The following ANO10 variants were observed in gnomAD, a reference collection of about 807,000 sequenced individuals.
ANO10 encodes anoctamin-10.
In ANO10, 77 loss-of-function variants were observed where a neutral mutation model predicts 74.7. The observed-to-expected ratio is 1.03, with a 90% CI of 0.86 to 1.25. The LOEUF (loss-of-function observed/expected upper bound fraction) is 1.25, where lower values mean the gene tolerates loss of function less well. ANO10 is among the 50% of genes most tolerant of loss of function. ANO10 has a pLI of 0.00. For synonymous variants in ANO10, 279 were observed against 284.9 expected, an observed-to-expected ratio of 0.98 and a Z score of 0.21; for missense variants, 721 against 778.1, an observed-to-expected ratio of 0.93 and a Z score of 0.87.
chr3:43,657,898 T>C (rs1559388266), intron 1 of ANO10, among the ~76,000 whole-genome samples: 1 of 152,244 alleles, frequency 6.6e-6, no homozygotes, highest in African/African-American at 2.4e-5. Context: ...TGGAAAAACT[T>C]AAAGATCTCA....
intron 1 of ANO10, among the ~76,000 whole-genome samples, chr3:43,649,714 C>A (rs2083766777): frequency 6.6e-6 from 1 of 152,152 alleles, no homozygotes; most frequent in Non-Finnish European, 1.5e-5. Flanking sequence ...AGTTGGGATC[C>A]AAACTCAGGC....
intron 11 of ANO10, among the ~76,000 whole-genome samples, chr3:43,459,667 T>C (rs1175620637): frequency 6.6e-6 from 1 of 152,142 alleles, no homozygotes; most frequent in Non-Finnish European, 1.5e-5. Context: ...TTCCTGCCAG[T>C]GCCTGTCTGG....
intron 12 of ANO10, among the ~76,000 whole-genome samples, chr3:43,399,997 G>A (rs570791757): frequency 1.2e-3 from 181 of 152,264 alleles, no homozygotes; most frequent in African/African-American, 4.2e-3. Context: ...AATACAGGGA[G>A]TGCTCTCATC....
chr3:43,504,644 T>G (rs565579587), intron 11 of ANO10, among the ~76,000 whole-genome samples: 5 of 151,972 alleles, frequency 3.3e-5, no homozygotes, highest in African/African-American at 1.2e-4. Context: ...AAATAATTAT[T>G]TATTTATTTT....
chr3:43,413,958 C>T (rs2092702130), intron 12 of ANO10, among the ~76,000 whole-genome samples: 1 of 151,906 alleles, frequency 6.6e-6, no homozygotes. Context: ...AGTCATCCTC[C>T]ACACACAGCT....
At chr3:43,395,972 C>T (rs1488705282) in intron 12 of ANO10, among the ~76,000 whole-genome samples, 1 of 152,190 alleles carries the variant, frequency 6.6e-6, no homozygotes, top group Non-Finnish European at 1.5e-5. Flanking sequence ...CTAGTTTCTG[C>T]AGATCCATCA....
At chr3:43,583,504 C>T (rs1232758055) in intron 4 of ANO10, among the ~76,000 whole-genome samples, 1 of 152,184 alleles carries the variant, frequency 6.6e-6, no homozygotes, top group African/African-American at 2.4e-5. Flanking sequence ...CAGTAGGACC[C>T]TCCAAATTAA....
chr3:43,574,866 T>C lies in ANO10; in HGVS notation c.1163-2A>G, dbSNP rs1207305363. On this transcript the variant is annotated splice_acceptor_variant, in intron 6 of 12. Transcript: ENST00000292246. LOFTEE classifies it high-confidence loss of function. ...AGGCAGATTCCAATCTGTGATTCTCTAAAACATTAAAACACACAGGTAACT... is the reference window on the plus strand; with the variant it reads ...AGGCAGATTCCAATCTGTGATTCTCCAAAACATTAAAACACACAGGTAACT... The C allele has an allele frequency of 6.2e-7, 1 of 1,613,060 alleles. No individual in the cohort carries two copies. The highest frequency in any genetic ancestry group is 2.2e-5 in the East Asian group (1 of 44,850).
intron 4 of ANO10, among the ~76,000 whole-genome samples, chr3:43,594,137 C>T (rs753581254): frequency 1.3e-5 from 2 of 152,164 alleles, no homozygotes; most frequent in Admixed American, 6.5e-5. Context: ...TACAAAGAGA[C>T]TTAGACTCCC....
chr3:43,445,669 A>G (rs1307474542), intron 11 of ANO10, among the ~76,000 whole-genome samples: 1 of 152,082 alleles, frequency 6.6e-6, no homozygotes. Context: ...CATTAGAAAT[A>G]TCATTGCCTA....
At chr3:43,596,233 G>T (rs1277162347) in intron 4 of ANO10, among the ~76,000 whole-genome samples, 2 of 152,126 alleles carry the variant, frequency 1.3e-5, no homozygotes, top group Non-Finnish European at 2.9e-5. Context: ...AGCTACCAAT[G>T]ACTTTCTTCA....
At chr3:43,575,750 G>A (rs2080963496) in intron 6 of ANO10, among the ~76,000 whole-genome samples, 1 of 151,966 alleles carries the variant, frequency 6.6e-6, no homozygotes, top group East Asian at 1.9e-4. Flanking sequence ...TGATTCTCCT[G>A]CCTCAGCCTC....
chr3:43,531,633 C>T lies in ANO10; in HGVS notation c.1797+18087G>A, dbSNP rs1312838587. Among the ~76,000 whole-genome samples the T allele has an allele frequency of 2.6e-5, 4 of 152,128 alleles. No individual in the cohort carries two copies. In the East Asian group the frequency reaches 7.7e-4, roughly 29 times the overall value. On this transcript the variant is annotated intron_variant, in intron 11 of 12. Coordinates refer to ENST00000292246, the MANE Select transcript of ANO10 (RefSeq NM_018075.5). ...ATGAGGCCGGGCGCAGTGGCTCACACCTGTAATCTCAGCACTTTGGGAGGC... is the reference window on the plus strand; with the variant it reads ...ATGAGGCCGGGCGCAGTGGCTCACATCTGTAATCTCAGCACTTTGGGAGGC...
chr3:43,442,636 T>C (rs2093177405), intron 11 of ANO10, among the ~76,000 whole-genome samples: 1 of 152,178 alleles, frequency 6.6e-6, no homozygotes, highest in African/African-American at 2.4e-5. Context: ...GATCTATAGA[T>C]TCAATGCAGT....
In ANO10 at chr3:43,561,307, C is replaced by T; in HGVS notation, c.1389G>A (p.Val463=). ...CCTTTAAAGCCTGCACCTTCCTCTT[C>T]ACCCGCACACCATGCTTCCTTTGGA... The part of the protein sequence containing the change: ...YWLQRKHGVR[V]KRKVQALKAD... Residue 463 remains valine (V), a synonymous_variant, in exon 9 of 13, where the codon GTG becomes GTA. Coordinates refer to ENST00000292246, the MANE Select transcript of ANO10 (RefSeq NM_018075.5). The T allele has an allele frequency of 6.2e-7, 1 of 1,614,166 alleles. No individual in the cohort carries two copies. Among genetic ancestry groups the T allele is most frequent in the Admixed American group, 1.7e-5 (1 of 60,022 alleles).
chr3:43,689,315 C>T (rs1168653583), intron 1 of ANO10: 1 of 152,198 alleles, frequency 6.6e-6, no homozygotes, highest in Non-Finnish European at 1.5e-5. Context: ...ATTTACCTGT[C>T]TTGCTGCTGT....
At chr3:43,661,373 C>G (rs2083924924) in intron 1 of ANO10, among the ~76,000 whole-genome samples, 1 of 152,180 alleles carries the variant, frequency 6.6e-6, no homozygotes, top group African/African-American at 2.4e-5. Flanking sequence ...TTTGTCATCA[C>G]CAGGCCTGCC....
chr3:43,653,458 T>C (rs1028858736), intron 1 of ANO10, among the ~76,000 whole-genome samples: 2 of 152,222 alleles, frequency 1.3e-5, no homozygotes, highest in African/African-American at 4.8e-5. Flanking sequence ...GATTCTTATA[T>C]GCTTCTGGTG....
At chr3:43,566,762 T>C (rs1044270878) in intron 7 of ANO10, among the ~76,000 whole-genome samples, 3 of 152,168 alleles carry the variant, frequency 2.0e-5, no homozygotes, top group South Asian at 4.2e-4. Context: ...AACTGGAAAC[T>C]CTAAAAAGCA....
Sources: gnomAD v4.1 joint callset for allele counts (sites outside exome capture counted in the v4.1 genomes callset) on GRCh38, gnomAD v4.1.1 for gene constraint, MANE v1.5 for transcripts, NCBI Gene and HGNC (gene_info 2026-07-23, HGNC 2026-07-21) for gene names.